Variants in MCTP2 observed in about 807,000 individuals in gnomAD.
The protein encoded by MCTP2 is multiple C2 and transmembrane domain-containing protein 2.
A neutral mutation model predicts 111.6 loss-of-function variants in MCTP2; 132 were observed. That is an observed-to-expected ratio of 1.18 (90% CI 1.03 to 1.37). MCTP2 has a LOEUF of 1.37. Ranked by LOEUF, MCTP2 falls within the 40% of genes most tolerant of loss-of-function variation. The pLI, the probability that MCTP2 is intolerant of heterozygous loss-of-function variation, is 0.00. For missense variants in MCTP2, 1,183 were observed against 1,067.9 expected, an observed-to-expected ratio of 1.11 and a Z score of -1.50; for synonymous variants, 395 against 387.7, an observed-to-expected ratio of 1.02 and a Z score of -0.22.
chr15:94,314,425 T>A, intron 3 of MCTP2, 81 bp downstream of exon 3: 647 of 831,166 alleles, frequency 7.8e-4, no homozygotes, highest in Non-Finnish European at 1.1e-3. Context: ...TTTTTTTGCC[T>A]CTTTTATTGC....
chr15:94,463,970 T>C (rs1222989564), intron 20 of MCTP2, among the ~76,000 whole-genome samples: 1 of 151,756 alleles, frequency 6.6e-6, no homozygotes, highest in Non-Finnish European at 1.5e-5. Flanking sequence ...CTGGATTTTA[T>C]TTACTTGTTT....
At chr15:94,367,895 G>T in intron 11 of MCTP2, 104 bp downstream of exon 11, 1 of 1,023,086 alleles carries the variant, frequency 9.8e-7, no homozygotes, top group Non-Finnish European at 1.4e-6. Context: ...TACATCAAAA[G>T]AGATCTTTGT....
chr15:94,302,530 T>G (rs1242414689), intron 2 of MCTP2, among the ~76,000 whole-genome samples: 1 of 152,150 alleles, frequency 6.6e-6, no homozygotes, highest in Non-Finnish European at 1.5e-5. Context: ...GGTGAGAACA[T>G]ACGCTTAGAA....
At chr15:94,241,056 G>A (rs776254565) in intron 1 of MCTP2, among the ~76,000 whole-genome samples, 1 of 152,000 alleles carries the variant, frequency 6.6e-6, no homozygotes, top group Admixed American at 6.6e-5. Flanking sequence ...TTTGGTTATC[G>A]TGGTCTTCGA....
chr15:94,257,566 G>GTTTTTTTTTTTTTTTTTTT (rs1220635423), intron 1 of MCTP2, among the ~76,000 whole-genome samples: 11 of 73,002 alleles, frequency 1.5e-4, no homozygotes, highest in Non-Finnish European at 2.1e-4. Flanking sequence ...CATTTTCTTT[G>GTTTTTTTTTTTTTTTTTTT]TTGTTTTTTT....
intron 1 of MCTP2, among the ~76,000 whole-genome samples, chr15:94,255,825 A>G (rs745308424): frequency 3.9e-5 from 6 of 152,214 alleles, no homozygotes; most frequent in Non-Finnish European, 8.8e-5. Flanking sequence ...AATGAAAGAA[A>G]TCATTCAACA....
chr15:94,436,840 T>C (rs1256746560), intron 17 of MCTP2, among the ~76,000 whole-genome samples: 1 of 151,030 alleles, frequency 6.6e-6, no homozygotes, highest in African/African-American at 2.4e-5. Flanking sequence ...ACAACCACCA[T>C]TGAGTATGCC....
chr15:94,360,229 G>A (rs574901185), intron 10 of MCTP2, among the ~76,000 whole-genome samples: 1 of 152,184 alleles, frequency 6.6e-6, no homozygotes, highest in Non-Finnish European at 1.5e-5. Context: ...GATTGCAATC[G>A]TTTCTTCCCT....
intron 4 of MCTP2, among the ~76,000 whole-genome samples, chr15:94,328,621 C>G (rs2076997768): frequency 6.6e-6 from 1 of 152,192 alleles, no homozygotes; most frequent in South Asian, 2.1e-4. Context: ...TTAGTCCTAT[C>G]ACACCATCAT....
intron 12 of MCTP2, among the ~76,000 whole-genome samples, chr15:94,379,816 C>T (rs1163662977): frequency 1.5e-5 from 2 of 136,544 alleles, no homozygotes; most frequent in African/African-American, 5.7e-5. Context: ...AATTATATGA[C>T]ATAATTATAT....
intron 14 of MCTP2, among the ~76,000 whole-genome samples, chr15:94,397,830 G>T (rs1019666874): frequency 2.0e-5 from 3 of 152,180 alleles, no homozygotes; most frequent in African/African-American, 7.2e-5. Context: ...CTATGCTATT[G>T]AAATTTTTGA....
intron 1 of MCTP2, among the ~76,000 whole-genome samples, chr15:94,266,285 G>T (rs989104711): frequency 6.6e-6 from 1 of 152,168 alleles, no homozygotes; most frequent in African/African-American, 2.4e-5. Flanking sequence ...TTATTCATTA[G>T]CACTTTTACT....
chr15:94,455,050 G>A (rs1402780324), intron 19 of MCTP2, among the ~76,000 whole-genome samples: 2 of 152,190 alleles, frequency 1.3e-5, no homozygotes, highest in African/African-American at 2.4e-5. Context: ...TCAAACTCCC[G>A]ACCTCAAGTG....
At chr15:94,473,393 T>C (rs2074088944) in intron 21 of MCTP2, among the ~76,000 whole-genome samples, 1 of 152,214 alleles carries the variant, frequency 6.6e-6, no homozygotes, top group Non-Finnish European at 1.5e-5. Context: ...CTATGACCTC[T>C]CCTGTGTAGG....
intron 17 of MCTP2, among the ~76,000 whole-genome samples, chr15:94,404,656 T>C (rs2081808214): frequency 6.6e-6 from 1 of 151,994 alleles, no homozygotes; most frequent in African/African-American, 2.4e-5. Context: ...CAAGCTTTCA[T>C]GTCCTTTTCT....
chr15:94,271,521 A>G (rs1217195189), intron 1 of MCTP2, among the ~76,000 whole-genome samples: 1 of 152,148 alleles, frequency 6.6e-6, no homozygotes, highest in African/African-American at 2.4e-5. Context: ...TGCTCTTTGG[A>G]TAGACAATAG....
chr15:94,245,185 C>G (rs1789266123), intron 1 of MCTP2, among the ~76,000 whole-genome samples: 1 of 143,966 alleles, frequency 6.9e-6, no homozygotes, highest in African/African-American at 2.5e-5. Context: ...TAGATTTATA[C>G]ACACATATGT....
chr15:94,340,161 C>A, intron 5 of MCTP2, 38 bp from the exon 6 acceptor site: 1 of 1,409,616 alleles, frequency 7.1e-7, no homozygotes, highest in Non-Finnish European at 1.0e-6. Flanking sequence ...GTTGGTTTAC[C>A]ATAATAATGT....
intron 1 of MCTP2, among the ~76,000 whole-genome samples, chr15:94,249,945 A>G (rs2072291985): frequency 1.3e-5 from 2 of 152,032 alleles, no homozygotes; most frequent in Non-Finnish European, 2.9e-5. Flanking sequence ...CATTACTTTT[A>G]TTTTTACATT....
Sources: gnomAD v4.1 joint callset for allele counts (sites outside exome capture counted in the v4.1 genomes callset) on GRCh38, gnomAD v4.1.1 for gene constraint, MANE v1.5 for transcripts, NCBI Gene and HGNC (gene_info 2026-07-23, HGNC 2026-07-21) for gene names.